Variants in CCDC171 observed in about 807,000 individuals in gnomAD.
CCDC171 encodes the protein coiled-coil domain containing 171.
In CCDC171, 177 loss-of-function variants were observed where a neutral mutation model predicts 168.2. The ratio of observed to expected loss-of-function variants is 1.05; its 90% confidence interval spans 0.93 to 1.19. The LOEUF (loss-of-function observed/expected upper bound fraction) is 1.19. Ranked by LOEUF, CCDC171 falls within the 50% of genes most tolerant of loss-of-function variation. The pLI, the probability that CCDC171 is intolerant of heterozygous loss-of-function variation, is 0.00. For synonymous variants in CCDC171, 687 were observed against 540.8 expected, an observed-to-expected ratio of 1.27 and a Z score of -3.75; for missense variants, 1,991 against 1,539.0, an observed-to-expected ratio of 1.29 and a Z score of -4.91.
At chr9:15,562,400 A>G (rs1057493072) in intron 1 of CCDC171, among the ~76,000 whole-genome samples, 38 of 152,164 alleles carry the variant, frequency 2.5e-4, no homozygotes, top group African/African-American at 8.9e-4. Context: ...TCTTTGCTGT[A>G]TTCTCCTGGT....
intron 11 of CCDC171, among the ~76,000 whole-genome samples, chr9:15,705,818 C>G (rs1342224343): frequency 6.6e-6 from 1 of 152,152 alleles, no homozygotes; most frequent in Non-Finnish European, 1.5e-5. Flanking sequence ...TAGAATAGTA[C>G]TTGGCACAAA....
In CCDC171 at chr9:15,793,551, GTTTTTT is replaced by G. The variant is rs3082839; in HGVS notation, c.3267+8881_3267+8886del. On this transcript the variant is annotated intron_variant, in intron 21 of 25. Transcript: ENST00000380701. ...AGCACCACATCGCACTTATTCCAAG[GTTTTTT>G]TTTTTTTTTTTTTTTTTTTTTTTGA... 9.0e-3 allele frequency among the ~76,000 whole-genome samples: 696 copies of G among 76,974 alleles called. 2 individuals are homozygous for G. The highest frequency in any genetic ancestry group is 0.043 in the African/African-American group (663 of 15,462). 50.5% of individuals were successfully genotyped at this position (76,974 alleles called of 152,430 possible).
chr9:15,613,788 G>A (rs957400100), intron 6 of CCDC171, among the ~76,000 whole-genome samples: 1 of 152,102 alleles, frequency 6.6e-6, no homozygotes, highest in Non-Finnish European at 1.5e-5. Context: ...CTCCCAAAGT[G>A]CGGGGATTAC....
chr9:15,594,685 T>C (rs1345645135), intron 6 of CCDC171, among the ~76,000 whole-genome samples: 1 of 152,098 alleles, frequency 6.6e-6, no homozygotes, highest in Non-Finnish European at 1.5e-5. Flanking sequence ...CAGATGGAGA[T>C]TTGGAAGTTA....
intron 21 of CCDC171, among the ~76,000 whole-genome samples, chr9:15,825,636 C>G (rs1400315157): frequency 6.6e-6 from 1 of 152,090 alleles, no homozygotes; most frequent in East Asian, 1.9e-4. Flanking sequence ...ATTACCCTCC[C>G]TATTTCCAAT....
At chr9:15,607,843 T>A (rs1231023131) in intron 6 of CCDC171, among the ~76,000 whole-genome samples, 1 of 152,202 alleles carries the variant, frequency 6.6e-6, no homozygotes, top group African/African-American at 2.4e-5. Context: ...TATTTTATCT[T>A]GTGCGTGTGC....
At chr9:15,920,548 G>A in intron 25 of CCDC171, 126 bp downstream of exon 25, 1 of 659,730 alleles carries the variant, frequency 1.5e-6, no homozygotes, top group African/African-American at 1.8e-5. Flanking sequence ...TCAATCAAGT[G>A]ACATAAAATT....
chr9:16,067,952 T>G, the CCDC171 span, among the ~76,000 whole-genome samples: 1 of 152,028 alleles, frequency 6.6e-6, no homozygotes, highest in Non-Finnish European at 1.5e-5. Flanking sequence ...GGAAGTTCTG[T>G]CCAGGGCAAT....
chr9:15,759,438 A>G lies in CCDC171; in HGVS notation c.2671+13807A>G, dbSNP rs140824826. Among the ~76,000 whole-genome samples the G allele has an allele frequency of 1.3e-3, 197 of 152,242 alleles. 1 individual carries two copies. The highest frequency in any genetic ancestry group is 4.5e-3 in the African/African-American group (189 of 41,550). On this transcript the variant is annotated intron_variant, in intron 18 of 25. Transcript: ENST00000380701. ...TGTCAACATCAGGAAATCAACATGG[A>G]TACATTACTGTCATTCAGATCCCAT...
chr9:15,994,088 G>A (rs1004206106), intron 3 of CCDC171, among the ~76,000 whole-genome samples: 1 of 152,146 alleles, frequency 6.6e-6, no homozygotes, highest in East Asian at 1.9e-4. Context: ...CCATTGCTAT[G>A]TATATACCGA....
intron 11 of CCDC171, among the ~76,000 whole-genome samples, chr9:15,698,303 C>T (rs974985245): frequency 7.2e-5 from 11 of 152,024 alleles, no homozygotes; most frequent in South Asian, 2.1e-4. Context: ...GGGTGGATCA[C>T]GAGGTCAGGA....
At chr9:15,821,663 A>C (rs1331499453) in intron 21 of CCDC171, among the ~76,000 whole-genome samples, 1 of 116,422 alleles carries the variant, frequency 8.6e-6, no homozygotes, top group East Asian at 2.1e-4. Context: ...ACTACAAACC[A>C]CTGCTCAAGG....
chr9:15,652,312 G>A (rs1020116570), intron 7 of CCDC171, among the ~76,000 whole-genome samples: 2 of 152,102 alleles, frequency 1.3e-5, no homozygotes, highest in African/African-American at 4.8e-5. Flanking sequence ...CCATTGAGTG[G>A]TGATGGCACC....
At position 15,794,293 on chromosome 9, in the gene CCDC171, C is replaced by T. The variant is rs551708344; in HGVS notation, c.3267+9599C>T. On this transcript the variant is annotated intron_variant, in intron 21 of 25. Transcript: ENST00000380701. Reference sequence around the variant, plus strand: ...CAGCCTGGCCAACATGGTGAAACCCCGTCTCTACTAAAAATACAAAAATTA... The same window carrying T: ...CAGCCTGGCCAACATGGTGAAACCCTGTCTCTACTAAAAATACAAAAATTA... Among the ~76,000 whole-genome samples, 60 of 152,108 alleles carry T rather than the reference C, an allele frequency of 3.9e-4. 2 individuals are homozygous for T. The highest frequency in any genetic ancestry group is 1.3e-3 in the African/African-American group (56 of 41,512).
intron 3 of CCDC171, among the ~76,000 whole-genome samples, chr9:15,985,257 T>G (rs1831949347): frequency 6.7e-6 from 1 of 149,420 alleles, no homozygotes; most frequent in African/African-American, 2.4e-5. Context: ...AGTGAAAAGG[T>G]TTTTTTTTGG....
At position 16,032,561 on chromosome 9, in the gene CCDC171, G is replaced by A. The variant is rs747930844; in HGVS notation, n.999-2896G>A. ...GGGAATGTTTTCTCATCTGTACAGC[G>A]AAGTGGGGACCGAGACACATTGCAA... is the stretch of plus-strand genomic sequence containing the variant. On this transcript the variant is annotated intron_variant and non_coding_transcript_variant, in intron 6 of 9. Coordinates refer to the CCDC171 transcript ENST00000486641. 2.0e-4 allele frequency among the ~76,000 whole-genome samples: 30 copies of A among 152,276 alleles called. 1 individual carries two copies. Among genetic ancestry groups the A allele is most frequent in the Admixed American group, 1.2e-3 (19 of 15,300 alleles).
At chr9:15,911,536 A>G (rs937161531) in intron 24 of CCDC171, among the ~76,000 whole-genome samples, 2 of 152,150 alleles carry the variant, frequency 1.3e-5, no homozygotes, top group Non-Finnish European at 1.5e-5. Context: ...GGTGTGCAGA[A>G]GCTCTTTAGT....
intron 2 of CCDC171, among the ~76,000 whole-genome samples, chr9:15,570,745 C>G (rs1367761283): frequency 6.6e-6 from 1 of 152,192 alleles, no homozygotes; most frequent in African/African-American, 2.4e-5. Flanking sequence ...CAAGAACATT[C>G]TGGCAAGACA....
chr9:15,625,235 G>C (rs2044962463), intron 7 of CCDC171, among the ~76,000 whole-genome samples: 2 of 152,202 alleles, frequency 1.3e-5, no homozygotes, highest in Non-Finnish European at 1.5e-5. Flanking sequence ...CAGATGGGTA[G>C]ATTGTAAAAA....
Sources: gnomAD v4.1 joint callset for allele counts (sites outside exome capture counted in the v4.1 genomes callset) on GRCh38, gnomAD v4.1.1 for gene constraint, MANE v1.5 for transcripts, NCBI Gene and HGNC (gene_info 2026-07-23, HGNC 2026-07-21) for gene names.